The following RPTOR variants were observed in gnomAD, a reference collection of about 807,000 sequenced individuals.
RPTOR encodes the protein regulatory-associated protein of mTOR.
A neutral mutation model predicts 169.9 loss-of-function variants in RPTOR; 21 were observed. That is an observed-to-expected ratio of 0.12 (90% CI 0.09 to 0.18). The LOEUF (loss-of-function observed/expected upper bound fraction) is 0.18, where lower values mean the gene tolerates loss of function less well. Ranked by LOEUF, RPTOR falls within the 10% of genes least tolerant of loss-of-function variation. The pLI, the probability that RPTOR is intolerant of heterozygous loss-of-function variation, is 1.00. For synonymous variants in RPTOR, 732 were observed against 753.2 expected (o/e 0.97, Z 0.46); for missense variants, 1,133 against 1,855.9 (o/e 0.61, Z 7.16).
At chr17:80,751,062 A>G (rs2066625567) in intron 5 of RPTOR, among the ~76,000 whole-genome samples, 1 of 152,222 alleles carries the variant, frequency 6.6e-6, no homozygotes, top group African/African-American at 2.4e-5. Context: ...ACTAGCAGTC[A>G]TTAGTACCTT....
chr17:80,591,632 G>T (rs1451989848), intron 1 of RPTOR, among the ~76,000 whole-genome samples: 5 of 152,058 alleles, frequency 3.3e-5, no homozygotes, highest in Non-Finnish European at 7.4e-5. Flanking sequence ...ACCTGCCTTA[G>T]CCTCCCAAAG....
At chr17:80,773,752 G>A (rs2066866709) in intron 6 of RPTOR, 1 of 983,868 alleles carries the variant, frequency 1.0e-6, no homozygotes, top group Admixed American at 6.1e-5. Context: ...TGGTGGGACT[G>A]ATGGGTAGCC....
intron 20 of RPTOR, among the ~76,000 whole-genome samples, chr17:80,900,435 G>A (rs7221866): frequency 6.6e-6 from 1 of 151,630 alleles, no homozygotes; most frequent in Non-Finnish European, 1.5e-5. Context: ...TCCTGCCTCA[G>A]CCTCCCAAGT....
chr17:80,933,852 CA>C (rs758249509), intron 24 of RPTOR, among the ~76,000 whole-genome samples: 2 of 152,242 alleles, frequency 1.3e-5, no homozygotes, highest in Admixed American at 6.5e-5. Flanking sequence ...GCGAGATAGA[CA>C]AATTCCTTGG....
intron 5 of RPTOR, among the ~76,000 whole-genome samples, chr17:80,732,333 G>A (rs1279484275): frequency 1.3e-5 from 2 of 152,124 alleles, no homozygotes; most frequent in Admixed American, 6.5e-5. Context: ...CCTTTCAGCA[G>A]AAGACCAGCA....
chr17:80,730,653 T>C lies in RPTOR; in HGVS notation c.601T>C (p.Leu201=). ...CGTCTACGACTGCTCCAATGCTGGCTTGATCGTCAAGTCCTTCAAGCAGTT... is the reference window on the plus strand; with the variant it reads ...CGTCTACGACTGCTCCAATGCTGGCCTGATCGTCAAGTCCTTCAAGCAGTT... ...IFVYDCSNAG[L]IVKSFKQFAL... The change falls in exon 5 of 34, where the codon TTG becomes CTG. Residue 201 remains leucine (L), a synonymous_variant. Transcript: ENST00000306801. The surrounding 1 kb of genome is among the most constrained non-coding windows in gnomAD (Gnocchi z 4.2). The C allele has an allele frequency of 3.7e-6, 6 of 1,613,970 alleles. No homozygotes were observed. The highest frequency in any genetic ancestry group is 1.7e-4 in the Middle Eastern group (1 of 5,928).
chr17:80,951,103 C>T (rs1325726308), intron 28 of RPTOR, among the ~76,000 whole-genome samples: 1 of 151,532 alleles, frequency 6.6e-6, no homozygotes, highest in Non-Finnish European at 1.5e-5. Context: ...CCCCGGGGTC[C>T]CTGAGACCCC....
At chr17:80,946,833 C>T (rs1598417702) in intron 26 of RPTOR, among the ~76,000 whole-genome samples, 1 of 152,208 alleles carries the variant, frequency 6.6e-6, no homozygotes, top group African/African-American at 2.4e-5. Context: ...TGGGGATACG[C>T]CCAGAGTGGA....
chr17:80,872,708 C>T (rs866930833), intron 13 of RPTOR, among the ~76,000 whole-genome samples: 2 of 152,248 alleles, frequency 1.3e-5, no homozygotes, highest in African/African-American at 4.8e-5. Context: ...GTTCCAGGCT[C>T]TTTTCGCCTG....
intron 1 of RPTOR, among the ~76,000 whole-genome samples, chr17:80,585,817 A>G (rs2065055987): frequency 6.6e-6 from 1 of 152,216 alleles, no homozygotes; most frequent in Non-Finnish European, 1.5e-5. Flanking sequence ...TGGGTTTTAA[A>G]GTATTTGAAT....
Position 80,562,399 on chromosome 17 carries a change from G to C in RPTOR, c.162+16608G>C, listed in dbSNP as rs1048187222. On this transcript the variant is annotated intron_variant, in intron 1 of 33. Transcript: ENST00000306801. This position sits in a 1 kb window ranked among gnomAD's most constrained non-coding sequence, Gnocchi z 4.4. Reference sequence around the variant, plus strand: ...GCTTCCCCTCACTCCCCTGCTTGGGGGCTGGGTGGTCATGACAGCCTCCCC... The same window carrying C: ...GCTTCCCCTCACTCCCCTGCTTGGGCGCTGGGTGGTCATGACAGCCTCCCC... Among the ~76,000 whole-genome samples, 3 of 152,132 alleles carry C rather than the reference G, an allele frequency of 2.0e-5. No homozygotes were observed. Among genetic ancestry groups the C allele is most frequent in the Non-Finnish European group, 4.4e-5 (3 of 68,034 alleles).
At chr17:80,952,416 G>A (rs962365653) in intron 28 of RPTOR, among the ~76,000 whole-genome samples, 1 of 152,182 alleles carries the variant, frequency 6.6e-6, no homozygotes, top group Non-Finnish European at 1.5e-5. Context: ...TCCTCCCCTG[G>A]AACTGAGGAG....
At chr17:80,801,212 G>A (rs546823567) in intron 7 of RPTOR, among the ~76,000 whole-genome samples, 14 of 152,298 alleles carry the variant, frequency 9.2e-5, no homozygotes, top group East Asian at 1.9e-4. Flanking sequence ...GATAGTGACC[G>A]TAGGAAGCAT....
chr17:80,583,178 TC>T (rs1416763768), intron 1 of RPTOR, among the ~76,000 whole-genome samples: 3 of 137,194 alleles, frequency 2.2e-5, no homozygotes, highest in Admixed American at 7.4e-5. Context: ...ACTGCCTCTT[TC>T]CTGTTTTTTT....
chr17:80,853,631 C>T (rs1345314981), intron 11 of RPTOR, among the ~76,000 whole-genome samples: 1 of 152,166 alleles, frequency 6.6e-6, no homozygotes, highest in Non-Finnish European at 1.5e-5. Flanking sequence ...GATGCACATG[C>T]CTTCCAGCAT....
chr17:80,665,491 T>TCC, intron 3 of RPTOR, among the ~76,000 whole-genome samples: 1 of 48,576 alleles, frequency 2.1e-5, no homozygotes, highest in African/African-American at 1.5e-4. Context: ...TCCTTTCCTT[T>TCC]CCTTTCCTTT....
At chr17:80,911,677 C>G (rs2143942017) in intron 21 of RPTOR, among the ~76,000 whole-genome samples, 1 of 152,176 alleles carries the variant, frequency 6.6e-6, no homozygotes, top group East Asian at 1.9e-4. Flanking sequence ...CGCAGCTACC[C>G]AGGAGGATGA....
intron 1 of RPTOR, among the ~76,000 whole-genome samples, chr17:80,601,380 G>T (rs1489568039): frequency 4.0e-5 from 1 of 24,984 alleles, no homozygotes; most frequent in Non-Finnish European, 9.0e-5. Context: ...CTGTGCAGCC[G>T]CAGCGCCGGC....
intron 1 of RPTOR, among the ~76,000 whole-genome samples, chr17:80,564,549 C>A (rs1274925757): frequency 6.6e-6 from 1 of 150,552 alleles, no homozygotes; most frequent in Non-Finnish European, 1.5e-5. Context: ...GAACTCACGT[C>A]ACAGTGGTTT....
Sources: allele counts gnomAD v4.1 joint callset (sites outside exome capture counted in the v4.1 genomes callset), GRCh38; gene constraint gnomAD v4.1.1; non-coding constraint Gnocchi (gnomAD v3.1); transcripts MANE v1.5; gene names NCBI Gene and HGNC (gene_info 2026-07-23, HGNC 2026-07-21).